ZFPM2: variants seen among roughly 807,000 people sequenced by gnomAD.
The protein encoded by ZFPM2 is zinc finger protein ZFPM2.
A neutral mutation model predicts 98.6 loss-of-function variants in ZFPM2; 20 were observed. The ratio of observed to expected loss-of-function variants is 0.20; its 90% confidence interval spans 0.14 to 0.29. The LOEUF is 0.29. Among genes scored for constraint, ZFPM2 ranks in the 10% least tolerant of loss-of-function variants. ZFPM2 has a pLI of 1.00. For synonymous variants in ZFPM2, 518 were observed against 502.7 expected (o/e 1.03, Z -0.41); for missense variants, 1,310 against 1,388.6 (o/e 0.94, Z 0.90).
intron 4 of ZFPM2, among the ~76,000 whole-genome samples, chr8:105,624,817 A>C (rs1816620152): frequency 6.6e-6 from 1 of 152,186 alleles, no homozygotes. Flanking sequence ...CCTCAGAGAT[A>C]ATGATTATTT....
intron 4 of ZFPM2, among the ~76,000 whole-genome samples, chr8:105,566,546 A>G (rs1815247545): frequency 6.6e-6 from 1 of 152,218 alleles, no homozygotes; most frequent in Admixed American, 6.5e-5. Context: ...TCCCAAGGAC[A>G]AAGATCCTTG....
At chr8:105,741,127 T>A (rs1812205461) in intron 5 of ZFPM2, among the ~76,000 whole-genome samples, 1 of 151,894 alleles carries the variant, frequency 6.6e-6, no homozygotes, top group African/African-American at 2.4e-5. Flanking sequence ...TCAGTGAAGG[T>A]AGAAGGAACA....
intron 5 of ZFPM2, among the ~76,000 whole-genome samples, chr8:105,695,385 T>C (rs1406702289): frequency 1.5e-5 from 2 of 129,640 alleles, no homozygotes; most frequent in African/African-American, 5.1e-5. Flanking sequence ...TGTATTTTTT[T>C]TTTTTTTTTT....
chr8:105,552,226 T>G (rs1410483934), intron 3 of ZFPM2, among the ~76,000 whole-genome samples: 1 of 152,182 alleles, frequency 6.6e-6, no homozygotes, highest in Non-Finnish European at 1.5e-5. Context: ...GTACTCTTCA[T>G]GGACGGACCT....
intron 5 of ZFPM2, among the ~76,000 whole-genome samples, chr8:105,693,756 T>A (rs1354165506): frequency 1.3e-5 from 2 of 152,018 alleles, no homozygotes; most frequent in African/African-American, 2.4e-5. Flanking sequence ...ATTTTTAAAA[T>A]TTTAGTTATT....
intron 6 of ZFPM2, chr8:105,798,517 T>C (rs1245050184): frequency 3.0e-5 from 15 of 503,824 alleles, no homozygotes; most frequent in South Asian, 3.7e-5. Flanking sequence ...TTCTCTAGAG[T>C]CTGTGGGAAG....
intron 4 of ZFPM2, among the ~76,000 whole-genome samples, chr8:105,626,476 A>G (rs1018578916): frequency 1.3e-5 from 2 of 152,104 alleles, no homozygotes; most frequent in African/African-American, 4.8e-5. Flanking sequence ...GCTGTGTAAA[A>G]TTTTGTGTGG....
intron 4 of ZFPM2, among the ~76,000 whole-genome samples, chr8:105,598,808 TCTTA>T (rs1816028143): frequency 6.6e-6 from 1 of 152,152 alleles, no homozygotes; most frequent in Non-Finnish European, 1.5e-5. Context: ...CCTAGAGCCT[TCTTA>T]CTTCTAGCAA....
chr8:105,664,321 TTGTG>T (rs148523592), intron 5 of ZFPM2, among the ~76,000 whole-genome samples: 6,473 of 144,464 alleles, frequency 0.045, 174 homozygotes, highest in African/African-American at 0.054. Context: ...CATAAAATTC[TTGTG>T]TGTGTGTGTG....
rs547966934 is a variant in ZFPM2 at position 105,488,340 on chromosome 8, C to T, written c.301+43959C>T. Among the ~76,000 whole-genome samples, 3 of 152,276 alleles carry T rather than the reference C, an allele frequency of 2.0e-5. 1 individual carries two copies. Among genetic ancestry groups the T allele is most frequent in the African/African-American group, 7.2e-5 (3 of 41,544 alleles). ...ATTTTGTTGTTCCATTATCTTCAAC[C>T]GTGCATTTCCATTCAGTGGCTGCTT... On this transcript the variant is annotated intron_variant, in intron 3 of 7. Transcript: ENST00000407775.
intron 1 of ZFPM2, among the ~76,000 whole-genome samples, chr8:105,390,398 G>A (rs75141518): frequency 0.02 from 3,103 of 152,260 alleles, 92 homozygotes; most frequent in African/African-American, 0.071. Context: ...CATACGTAGG[G>A]CAAGGTCTAG....
At chr8:105,443,319 C>CAAAAAAAAAAAAA (rs1466026465) in intron 2 of ZFPM2, among the ~76,000 whole-genome samples, 2 of 124,836 alleles carry the variant, frequency 1.6e-5, no homozygotes, top group African/African-American at 3.5e-5. Context: ...TCTCAAAAAA[C>CAAAAAAAAAAAAA]AAAAAACAAA....
chr8:105,733,092 G>A (rs894011329), intron 5 of ZFPM2, among the ~76,000 whole-genome samples: 13 of 151,778 alleles, frequency 8.6e-5, no homozygotes, highest in African/African-American at 2.7e-4. Context: ...ATGTGAATCC[G>A]TTCAATATAA....
chr8:105,497,667 A>C (rs1006944890), intron 3 of ZFPM2, among the ~76,000 whole-genome samples: 1 of 152,144 alleles, frequency 6.6e-6, no homozygotes. Flanking sequence ...TCATAATTGC[A>C]GAACACTTTG....
chr8:105,336,330 G>T (rs960825870), intron 1 of ZFPM2, among the ~76,000 whole-genome samples: 1 of 151,666 alleles, frequency 6.6e-6, no homozygotes. Context: ...ACAGCACCAG[G>T]TATGCACTGA....
At chr8:105,694,653 A>G (rs1810974323) in intron 5 of ZFPM2, among the ~76,000 whole-genome samples, 1 of 152,212 alleles carries the variant, frequency 6.6e-6, no homozygotes, top group Non-Finnish European at 1.5e-5. Context: ...TTCTGAGCAA[A>G]TGGTTTAAAT....
chr8:105,598,032 T>G (rs1175646099), intron 4 of ZFPM2, among the ~76,000 whole-genome samples: 1 of 151,726 alleles, frequency 6.6e-6, no homozygotes, highest in African/African-American at 2.4e-5. Flanking sequence ...CTCTAGACTG[T>G]TATAACATCT....
chr8:105,799,633 C>A (rs1813940164), intron 7 of ZFPM2, among the ~76,000 whole-genome samples: 1 of 152,128 alleles, frequency 6.6e-6, no homozygotes, highest in African/African-American at 2.4e-5. Context: ...TTTTTAGTTT[C>A]ATTTCATAGC....
chr8:105,801,358 G>T lies in ZFPM2; in HGVS notation c.1276G>T (p.Ala426Ser). ...TRSELPQSQKAMQTKDASSDT... is the reference protein window; with the variant it reads ...TRSELPQSQKSMQTKDASSDT... ...AAGCGAACTTCCCCAGAGCCAAAAG[G>T]CCATGCAGACTAAAGATGCGAGCTC... The change falls in exon 8 of 8, where the codon GCC becomes TCC. Residue 426 changes from alanine (A) to serine (S), a missense_variant. Physicochemically the swap from Ala to Ser is moderately conservative, Grantham distance 99. Transcript: ENST00000407775. The T allele has an allele frequency of 6.2e-7, 1 of 1,613,880 alleles. No homozygotes were observed. The highest frequency in any genetic ancestry group is 8.5e-7 in the Non-Finnish European group (1 of 1,179,876).
Sources: gnomAD v4.1 joint callset for allele counts (sites outside exome capture counted in the v4.1 genomes callset) on GRCh38, gnomAD v4.1.1 for gene constraint, MANE v1.5 for transcripts, NCBI Gene and HGNC (gene_info 2026-07-23, HGNC 2026-07-21) for gene names.